The following MYB variants were observed in gnomAD, a reference collection of about 807,000 sequenced individuals.
The protein encoded by MYB is transcriptional activator Myb.
A neutral mutation model predicts 92.9 loss-of-function variants in MYB; 28 were observed. That is an observed-to-expected ratio of 0.30 (90% CI 0.22 to 0.41). The LOEUF (loss-of-function observed/expected upper bound fraction) is 0.41, where lower values mean the gene tolerates loss of function less well. Ranked by LOEUF, MYB falls within the 10% of genes least tolerant of loss-of-function variation. The pLI, the probability that MYB is intolerant of heterozygous loss-of-function variation, is 1.00. For missense variants in MYB, 679 were observed against 929.3 expected (o/e 0.73, Z 3.50); for synonymous variants, 295 against 329.1 (o/e 0.90, Z 1.12).
At position 135,218,913 on chromosome 6, in the gene MYB, GT is replaced by G. The variant is rs1037682559; in HGVS notation, c.*937del. The G allele has an allele frequency of 8.8e-6, 2 of 228,554 alleles. No homozygotes were observed. Among genetic ancestry groups the G allele is most frequent in the Admixed American group, 1.1e-4 (2 of 17,604 alleles). The allele number at this position is 228,554 out of a possible 1,614,324, so 14.2% of individuals were successfully genotyped here. The stretch of plus-strand genomic sequence containing the variant: ...GAGATGTGTGTTGTTGATGTTCTAT[GT>G]TTTGTTTTGAGTGTAGCCTGACTGT... On this transcript the variant is annotated 3_prime_UTR_variant, in exon 16 of 16. Transcript: ENST00000341911.
At chr6:135,206,110 G>T (rs910503323) in intron 15 of MYB, among the ~76,000 whole-genome samples, 4 of 149,468 alleles carry the variant, frequency 2.7e-5, no homozygotes, top group Admixed American at 6.8e-5. Context: ...GGAGGCTGAG[G>T]CAGGAGAATG....
chr6:135,208,362 C>A (rs902340079), intron 15 of MYB, among the ~76,000 whole-genome samples: 2 of 150,790 alleles, frequency 1.3e-5, no homozygotes, highest in Admixed American at 6.6e-5. Context: ...CAGACATGAG[C>A]CACTGCACCC....
In MYB at chr6:135,184,608, C is replaced by T. The variant is rs543311859; in HGVS notation, c.24-1295C>T. ...TAATAGCTTTAAATTATGAGAACCC[C>T]CAATTCAGGATTTTTGGTAAGCACT... On this transcript the variant is annotated intron_variant, in intron 1 of 15. Coordinates refer to ENST00000341911, the MANE Select transcript of MYB (RefSeq NM_001130173.2). Among the ~76,000 whole-genome samples, 19 of 152,148 alleles carry T rather than the reference C, an allele frequency of 1.2e-4. 1 individual carries two copies. The South Asian group carries it at 3.7e-3, about 30-fold the overall frequency.
intron 15 of MYB, among the ~76,000 whole-genome samples, chr6:135,206,691 A>G (rs1405350561): frequency 6.6e-6 from 1 of 152,198 alleles, no homozygotes; most frequent in Non-Finnish European, 1.5e-5. Flanking sequence ...GTGAGACTCT[A>G]TCTCAAACAA....
At position 135,189,795 on chromosome 6, in the gene MYB, G is replaced by T. The variant is rs1302072057; in HGVS notation, c.218G>T (p.Arg73Leu). 1.2e-6 allele frequency: 2 copies of T among 1,613,638 alleles called. No homozygotes were observed. The highest frequency in any genetic ancestry group is 1.7e-5 in the Admixed American group (1 of 59,988). ...WKVIANYLPN[R>L]TDVQCQHRWQ... ...GTGCATACTTTATTTGTCTAGAATC[G>T]AACAGATGTGCAGTGCCAGCACCGA... is the stretch of plus-strand genomic sequence containing the variant. The change falls in exon 4 of 16, where the codon CGA becomes CTA. Residue 73 changes from arginine to leucine, a missense_variant. Physicochemically the swap from Arg to Leu is moderately radical, Grantham distance 102. This residue lies in a region of MYB where 88 missense variants were observed against 145.6 expected (regional missense o/e 0.60). Coordinates refer to ENST00000341911, the MANE Select transcript of MYB (RefSeq NM_001130173.2).
At chr6:135,214,075 C>G (rs1780099281) in intron 15 of MYB, among the ~76,000 whole-genome samples, 1 of 151,984 alleles carries the variant, frequency 6.6e-6, no homozygotes, top group Admixed American at 6.6e-5. Context: ...GAGTTTGAGA[C>G]CAGCCTAGGC....
chr6:135,195,180 C>T (rs1251448490), intron 8 of MYB: 2 of 950,204 alleles, frequency 2.1e-6, no homozygotes, highest in African/African-American at 3.5e-5. Context: ...TAATGTTTTG[C>T]AATTTCTCCT....
intron 1 of MYB, among the ~76,000 whole-genome samples, chr6:135,184,944 A>T (rs900782284): frequency 6.6e-6 from 1 of 152,248 alleles, no homozygotes; most frequent in African/African-American, 2.4e-5. Context: ...GATTATGATT[A>T]ACAAACAGTA....
chr6:135,188,505 T>C (rs1207345370), intron 3 of MYB, among the ~76,000 whole-genome samples: 2 of 149,020 alleles, frequency 1.3e-5, no homozygotes, highest in Non-Finnish European at 3.0e-5. Context: ...TTTTTTTTTT[T>C]TGTTTTTTGT....
Position 135,197,215 on chromosome 6 carries a change from G to A in MYB, c.1458G>A (p.Gln486=), listed in dbSNP as rs376180447. ...PLVILRKKRG[Q]ASPLATGDCS... is the part of the protein sequence containing the mutation. ...TCATCCTTCGAAAAAAACGGGGCCA[G>A]GCCAGCCCCTTAGCCACTGGAGACT... is the stretch of plus-strand genomic sequence containing the variant. The change falls in exon 10 of 16, where the codon CAG becomes CAA. Residue 486 remains glutamine (Q), a synonymous_variant. Transcript: ENST00000341911. The A allele has an allele frequency of 4.8e-5, 78 of 1,613,834 alleles. No individual in the cohort carries two copies. The highest frequency in any genetic ancestry group is 8.5e-6 in the Non-Finnish European group (10 of 1,179,888).
chr6:135,204,005 A>T, intron 15 of MYB: 1 of 671,662 alleles, frequency 1.5e-6, no homozygotes, highest in Non-Finnish European at 2.0e-6. Flanking sequence ...GCAGTTTCTG[A>T]CATTAAATAG....
chr6:135,191,058 G>T (rs1776563306), intron 5 of MYB, among the ~76,000 whole-genome samples: 1 of 152,152 alleles, frequency 6.6e-6, no homozygotes. Flanking sequence ...CTCCCAAAGT[G>T]CTGGGATTAT....
intron 9 of MYB, among the ~76,000 whole-genome samples, chr6:135,196,459 T>C (rs561051206): frequency 6.6e-6 from 1 of 152,324 alleles, no homozygotes; most frequent in Non-Finnish European, 1.5e-5. Flanking sequence ...AAAGCAATCT[T>C]TTAGTGTATT....
intron 15 of MYB, chr6:135,204,004 G>A (rs1778506393): frequency 1.5e-6 from 1 of 676,474 alleles, no homozygotes; most frequent in East Asian, 9.0e-5. Flanking sequence ...AGCAGTTTCT[G>A]ACATTAAATA....
intron 15 of MYB, chr6:135,203,828 G>A (rs1778483363): frequency 1.6e-6 from 2 of 1,270,204 alleles, no homozygotes; most frequent in Non-Finnish European, 1.0e-6. Context: ...TGTCAATGTT[G>A]TGAGGCCGAT....
chr6:135,185,833 A>G (rs1775837422), intron 1 of MYB, 70 bp from the exon 2 acceptor site: 2 of 1,218,806 alleles, frequency 1.6e-6, no homozygotes, highest in Non-Finnish European at 2.4e-6. Flanking sequence ...GTTTTGTGTA[A>G]GTTTTGTAAT....
chr6:135,216,284 G>A (rs1386780322), intron 15 of MYB, among the ~76,000 whole-genome samples: 1 of 152,116 alleles, frequency 6.6e-6, no homozygotes, highest in African/African-American at 2.4e-5. Context: ...AAATAGCATT[G>A]TGTTTGCATA....
intron 7 of MYB, 142 bp downstream of exon 7, chr6:135,194,060 A>G (rs1176727145): frequency 1.2e-5 from 8 of 667,610 alleles, no homozygotes; most frequent in Non-Finnish European, 2.0e-5. Flanking sequence ...TTGGCCAGCA[A>G]TCTATTAATC....
rs561459986 is a variant in MYB, at chr6:135,217,885, C to G, written c.2191C>G (p.Pro731Ala). The change falls in exon 16 of 16, where the codon CCT (proline) becomes GCT (alanine). Residue 731 changes from proline (P) to alanine (A), a missense_variant. This residue lies in a region of MYB where 402 missense variants were observed against 434.2 expected (regional missense o/e 0.93). Coordinates refer to ENST00000341911, the MANE Select transcript of MYB (RefSeq NM_001130173.2). ...PLQPCSSTWE[P>A]ASCGKMEEQM... Reference sequence around the variant, plus strand: ...TCAGCCTTGTAGCAGTACCTGGGAACCTGCATCCTGTGGAAAGATGGAGGA... The same window carrying G: ...TCAGCCTTGTAGCAGTACCTGGGAAGCTGCATCCTGTGGAAAGATGGAGGA... 169 of 1,612,588 alleles carry G rather than the reference C, an allele frequency of 1.0e-4. No homozygotes were observed. The South Asian group carries it at 1.7e-3, about 16-fold the overall frequency.
Sources: allele counts gnomAD v4.1 joint callset (sites outside exome capture counted in the v4.1 genomes callset), GRCh38; gene constraint gnomAD v4.1.1; regional missense constraint gnomAD v4.1.1; transcripts MANE v1.5; gene names NCBI Gene and HGNC (gene_info 2026-07-23, HGNC 2026-07-21).